The following PTPRG variants were observed in gnomAD, a reference collection of about 807,000 sequenced individuals.
PTPRG encodes the protein receptor-type tyrosine-protein phosphatase gamma.
In PTPRG, 102 loss-of-function variants were observed where a neutral mutation model predicts 165.3. The ratio of observed to expected loss-of-function variants is 0.62; its 90% confidence interval spans 0.53 to 0.73. The LOEUF (loss-of-function observed/expected upper bound fraction) is 0.73. PTPRG is among the 30% of genes least tolerant of loss of function. The pLI is 0.00. For synonymous variants in PTPRG, 675 were observed against 669.5 expected, an observed-to-expected ratio of 1.01 and a Z score of -0.13; for missense variants, 1,866 against 1,861.4, an observed-to-expected ratio of 1.00 and a Z score of -0.05.
Position 61,562,227 on chromosome 3 carries a change from C to G in PTPRG, c.-61C>G. The G allele has an allele frequency of 1.3e-6, 2 of 1,489,840 alleles. No homozygotes were observed. The highest frequency in any genetic ancestry group is 1.9e-6 in the Non-Finnish European group (2 of 1,068,022). 92.3% of individuals were successfully genotyped at this position (1,489,840 alleles called of 1,614,324 possible). A position where few individuals can be genotyped will look rare whatever the true frequency, so the allele number is the denominator to read the frequency against. On this transcript the variant is annotated 5_prime_UTR_variant, in exon 1 of 30. Coordinates refer to ENST00000474889, the MANE Select transcript of PTPRG (RefSeq NM_002841.4). ...GGCTTAGCGGAGGCTCGCACGGAGG[C>G]AAGAACTTATTCAACAAGTTTACCT...
At chr3:62,153,558 T>TA (rs374620146) in intron 6 of PTPRG, among the ~76,000 whole-genome samples, 4,117 of 146,956 alleles carry the variant, frequency 0.028, 63 homozygotes, top group African/African-American at 0.047. Flanking sequence ...GTAATCCAGT[T>TA]AAAAAAAAAA....
intron 2 of PTPRG, among the ~76,000 whole-genome samples, chr3:61,787,098 G>T (rs2034727492): frequency 1.3e-5 from 2 of 151,782 alleles, no homozygotes; most frequent in South Asian, 2.1e-4. Context: ...TGAATCCTTT[G>T]TGTGCCAAAA....
chr3:62,086,699 A>C (rs2661886), intron 5 of PTPRG, among the ~76,000 whole-genome samples: 49,793 of 152,038 alleles, frequency 0.33, 10,270 homozygotes, highest in African/African-American at 0.59. Flanking sequence ...TTAATCCACA[A>C]ACAAAAATTA....
intron 6 of PTPRG, among the ~76,000 whole-genome samples, chr3:62,151,537 T>A (rs1295790160): frequency 6.6e-6 from 1 of 151,824 alleles, no homozygotes; most frequent in Non-Finnish European, 1.5e-5. Flanking sequence ...CAATTAATTA[T>A]TAAAATATAA....
intron 1 of PTPRG, among the ~76,000 whole-genome samples, chr3:61,609,426 A>T (rs1408191805): frequency 6.6e-6 from 1 of 152,246 alleles, no homozygotes; most frequent in Non-Finnish European, 1.5e-5. Flanking sequence ...TTCGCCTTTC[A>T]AGGAAGAGCT....
At chr3:61,779,915 A>C (rs990983163) in intron 2 of PTPRG, among the ~76,000 whole-genome samples, 2 of 152,116 alleles carry the variant, frequency 1.3e-5, no homozygotes, top group Non-Finnish European at 2.9e-5. Flanking sequence ...CTCTGAGGCG[A>C]TAATTGATCA....
At chr3:62,202,281 A>G (rs1559642365) in intron 11 of PTPRG, among the ~76,000 whole-genome samples, 1 of 152,146 alleles carries the variant, frequency 6.6e-6, no homozygotes, top group East Asian at 1.9e-4. Flanking sequence ...TATGGTGGTA[A>G]GAACAAGCCG....
At chr3:61,824,749 C>A (rs1245677749) in intron 2 of PTPRG, among the ~76,000 whole-genome samples, 1 of 152,130 alleles carries the variant, frequency 6.6e-6, no homozygotes, top group East Asian at 1.9e-4. Flanking sequence ...TGTGACCTTG[C>A]CATTGTACTT....
At chr3:61,779,686 TA>T (rs201716377) in intron 2 of PTPRG, among the ~76,000 whole-genome samples, 2,326 of 152,334 alleles carry the variant, frequency 0.015, 63 homozygotes, top group African/African-American at 0.052. Flanking sequence ...TCTTGTTTAG[TA>T]ATCAGTGGAG....
intron 5 of PTPRG, among the ~76,000 whole-genome samples, chr3:62,108,238 G>T (rs904727805): frequency 2.2e-5 from 3 of 139,424 alleles, no homozygotes; most frequent in Admixed American, 7.5e-5. Flanking sequence ...ATATTTCCCC[G>T]CTGTATCCAT....
chr3:61,672,721 G>A (rs1221601884), intron 1 of PTPRG, among the ~76,000 whole-genome samples: 1 of 145,168 alleles, frequency 6.9e-6, no homozygotes, highest in Non-Finnish European at 1.5e-5. Context: ...AAGAGAGGGA[G>A]AGGGAGACTG....
At chr3:62,006,421 G>A (rs147474456) in intron 4 of PTPRG, among the ~76,000 whole-genome samples, 21 of 152,122 alleles carry the variant, frequency 1.4e-4, no homozygotes, top group African/African-American at 4.8e-4. Flanking sequence ...CTCTCCCTAC[G>A]ATTTTTATAC....
At chr3:61,634,423 A>T (rs368932520) in intron 1 of PTPRG, among the ~76,000 whole-genome samples, 28 of 152,156 alleles carry the variant, frequency 1.8e-4, no homozygotes, top group African/African-American at 6.7e-4. Flanking sequence ...TATTTTTAGT[A>T]GAGACGGGGT....
At chr3:62,009,633 C>A (rs1160231833) in intron 4 of PTPRG, among the ~76,000 whole-genome samples, 1 of 152,062 alleles carries the variant, frequency 6.6e-6, no homozygotes, top group East Asian at 1.9e-4. Flanking sequence ...TTGTAATGAC[C>A]CCTAGGTTAT....
At chr3:62,154,645 TG>T (rs1023827009) in intron 6 of PTPRG, among the ~76,000 whole-genome samples, 4 of 152,144 alleles carry the variant, frequency 2.6e-5, no homozygotes, top group Non-Finnish European at 5.9e-5. Context: ...TGTGTTTAGA[TG>T]GGGGCTCGGC....
intron 4 of PTPRG, among the ~76,000 whole-genome samples, chr3:62,073,476 A>G (rs896126648): frequency 1.3e-5 from 2 of 152,152 alleles, no homozygotes; most frequent in Admixed American, 6.6e-5. Context: ...TGCACGGAGA[A>G]GATATAAATT....
At chr3:61,658,446 T>C (rs1407795910) in intron 1 of PTPRG, among the ~76,000 whole-genome samples, 1 of 152,192 alleles carries the variant, frequency 6.6e-6, no homozygotes, top group Admixed American at 6.5e-5. Flanking sequence ...AGCTCTGCCC[T>C]CATCTATTTT....
chr3:61,892,343 C>T (rs942220809), intron 2 of PTPRG, among the ~76,000 whole-genome samples: 3 of 152,194 alleles, frequency 2.0e-5, no homozygotes, highest in African/African-American at 7.2e-5. Flanking sequence ...CTTCCTGCCT[C>T]AGTGTCCTGT....
intron 1 of PTPRG, among the ~76,000 whole-genome samples, chr3:61,660,436 C>T (rs911564757): frequency 6.6e-6 from 1 of 152,188 alleles, no homozygotes; most frequent in Non-Finnish European, 1.5e-5. Flanking sequence ...TCCCAAAGCC[C>T]TCTCTGAACA....
Sources: allele counts gnomAD v4.1 joint callset (sites outside exome capture counted in the v4.1 genomes callset), GRCh38; gene constraint gnomAD v4.1.1; transcripts MANE v1.5; gene names NCBI Gene and HGNC (gene_info 2026-07-23, HGNC 2026-07-21).